The following R3HCC1L variants were observed in gnomAD, a reference collection of about 807,000 sequenced individuals.
The protein encoded by R3HCC1L is R3H domain and coiled-coil containing 1 like.
In R3HCC1L, 51 loss-of-function variants were observed where a neutral mutation model predicts 59.9. That is an observed-to-expected ratio of 0.85 (90% CI 0.68 to 1.07). R3HCC1L has a LOEUF of 1.07. Ranked by LOEUF, R3HCC1L falls within the 50% of genes least tolerant of loss-of-function variation. The pLI is 0.00. For missense variants in R3HCC1L, 965 were observed against 933.0 expected (o/e 1.03, Z -0.45); for synonymous variants, 322 against 315.2 (o/e 1.02, Z -0.23).
chr10:98,136,873 C>A (rs1282807348), intron 1 of R3HCC1L, among the ~76,000 whole-genome samples: 1 of 152,138 alleles, frequency 6.6e-6, no homozygotes, highest in East Asian at 1.9e-4. Flanking sequence ...TTTACTAAGA[C>A]CTGTCACATA....
intron 4 of R3HCC1L, among the ~76,000 whole-genome samples, chr10:98,198,192 G>A (rs1234018683): frequency 6.6e-6 from 1 of 151,940 alleles, no homozygotes; most frequent in Non-Finnish European, 1.5e-5. Context: ...GGAGAGCAGT[G>A]AATTTTTTTT....
At chr10:98,173,711 CT>C (rs745612117) in intron 4 of R3HCC1L, among the ~76,000 whole-genome samples, 1 of 152,014 alleles carries the variant, frequency 6.6e-6, no homozygotes, top group East Asian at 1.9e-4. Context: ...TCCCCCTACT[CT>C]TTTTTCCCCC....
chr10:98,209,983 T>C, intron 5 of R3HCC1L, 84 bp downstream of exon 5: 1 of 1,049,260 alleles, frequency 9.5e-7, no homozygotes. Flanking sequence ...GTGATGCACA[T>C]TCACTGATAT....
intron 4 of R3HCC1L, among the ~76,000 whole-genome samples, chr10:98,182,222 T>G (rs762246516): frequency 8.5e-5 from 13 of 152,188 alleles, no homozygotes; most frequent in Non-Finnish European, 1.9e-4. Context: ...TTTGTTGATG[T>G]TGATGCTGAT....
At chr10:98,152,988 G>A (rs1185960905) in intron 1 of R3HCC1L, among the ~76,000 whole-genome samples, 53 of 148,868 alleles carry the variant, frequency 3.6e-4, no homozygotes, top group African/African-American at 1.3e-3. Flanking sequence ...GTCCGGGAGG[G>A]AGGTGGGGGC....
chr10:98,192,777 C>G (rs7071520), intron 4 of R3HCC1L, among the ~76,000 whole-genome samples: 52,447 of 151,930 alleles, frequency 0.35, 9,061 homozygotes, highest in East Asian at 0.48. Flanking sequence ...AGGAACACTT[C>G]CAGACTCATT....
chr10:98,222,790 A>T (rs1298926398), intron 5 of R3HCC1L, among the ~76,000 whole-genome samples: 1 of 152,168 alleles, frequency 6.6e-6, no homozygotes, highest in Non-Finnish European at 1.5e-5. Context: ...ATAGACCGCT[A>T]GCAAGACTAA....
chr10:98,139,806 A>G (rs1268433237), intron 1 of R3HCC1L, among the ~76,000 whole-genome samples: 1 of 151,728 alleles, frequency 6.6e-6, no homozygotes, highest in African/African-American at 2.4e-5. Flanking sequence ...TCATTCTTCA[A>G]ATTCACCCTT....
intron 5 of R3HCC1L, among the ~76,000 whole-genome samples, chr10:98,215,319 AAGAT>A (rs1435885899): frequency 2.6e-5 from 4 of 152,218 alleles, no homozygotes; most frequent in Admixed American, 2.0e-4. Context: ...ATGAATTACT[AAGAT>A]AGAAAAAACT....
intron 1 of R3HCC1L, among the ~76,000 whole-genome samples, chr10:98,153,510 A>G (rs1393062722): frequency 1.3e-5 from 2 of 151,838 alleles, no homozygotes; most frequent in African/African-American, 2.4e-5. Context: ...AGAAAACCAG[A>G]GACCTTTGTT....
chr10:98,165,019 G>C (rs1047334456), intron 4 of R3HCC1L, among the ~76,000 whole-genome samples: 1 of 152,180 alleles, frequency 6.6e-6, no homozygotes, highest in South Asian at 2.1e-4. Flanking sequence ...CAGCACTTTG[G>C]GAGGCCCAGG....
rs545190366 is a variant in R3HCC1L at position 98,171,151 on chromosome 10, G to A, written c.-15+7754G>A. On this transcript the variant is annotated intron_variant, in intron 4 of 9. Transcript: ENST00000298999. ...CAGAATGTCTGAGAAATATAGTAGC[G>A]TGAGCACAGCCCTTATAATTGTAAC... 1.9e-4 allele frequency among the ~76,000 whole-genome samples: 29 copies of A among 152,284 alleles called. No homozygotes were observed. In the East Asian group the frequency reaches 3.7e-3, roughly 19 times the overall value.
intron 4 of R3HCC1L, among the ~76,000 whole-genome samples, chr10:98,189,673 A>C (rs1418173448): frequency 6.6e-6 from 1 of 152,214 alleles, no homozygotes; most frequent in Non-Finnish European, 1.5e-5. Context: ...TGTGTTTTCA[A>C]GTGTGAAATA....
intron 1 of R3HCC1L, among the ~76,000 whole-genome samples, chr10:98,142,968 C>CA (rs143821810): frequency 0.16 from 23,702 of 147,510 alleles, 2,279 homozygotes; most frequent in Non-Finnish European, 0.22. Flanking sequence ...CAAAACAAAA[C>CA]AAAAAAAAAA....
intron 1 of R3HCC1L, among the ~76,000 whole-genome samples, chr10:98,135,776 T>C (rs567638518): frequency 1.2e-4 from 18 of 152,318 alleles, no homozygotes; most frequent in South Asian, 8.3e-4. Context: ...CTTGCTGTTA[T>C]AACCTTCCTT....
At chr10:98,205,351 G>A (rs979202507) in intron 4 of R3HCC1L, among the ~76,000 whole-genome samples, 2 of 152,152 alleles carry the variant, frequency 1.3e-5, no homozygotes, top group African/African-American at 4.8e-5. Flanking sequence ...TTACGCTACA[G>A]AGATTGTCAA....
At chr10:98,221,797 T>A (rs945887373) in intron 5 of R3HCC1L, among the ~76,000 whole-genome samples, 6 of 152,240 alleles carry the variant, frequency 3.9e-5, no homozygotes, top group Admixed American at 3.9e-4. Context: ...TAATATAGTT[T>A]GAAGTCAGGT....
chr10:98,203,828 C>T (rs184158182), intron 4 of R3HCC1L, among the ~76,000 whole-genome samples: 119 of 152,184 alleles, frequency 7.8e-4, no homozygotes, highest in African/African-American at 2.7e-3. Context: ...TGGACAGGTG[C>T]TCAGGTATGA....
intron 4 of R3HCC1L, among the ~76,000 whole-genome samples, chr10:98,177,274 T>A (rs1849127481): frequency 6.6e-6 from 1 of 152,032 alleles, no homozygotes; most frequent in East Asian, 1.9e-4. Context: ...AGTGAGAACA[T>A]AAGGTGTTTG....
Sources: allele counts gnomAD v4.1 joint callset (sites outside exome capture counted in the v4.1 genomes callset), GRCh38; gene constraint gnomAD v4.1.1; transcripts MANE v1.5; gene names NCBI Gene and HGNC (gene_info 2026-07-23, HGNC 2026-07-21).